The following TXNDC9 variants were observed in gnomAD, a reference collection of about 807,000 sequenced individuals.
The protein encoded by TXNDC9 is thioredoxin domain-containing protein 9.
A neutral mutation model predicts 23.0 loss-of-function variants in TXNDC9; 7 were observed. The ratio of observed to expected loss-of-function variants is 0.30; its 90% CI spans 0.17 to 0.57. TXNDC9 has a LOEUF of 0.57. TXNDC9 is among the 20% of genes least tolerant of loss of function. The pLI is 0.90. For missense variants in TXNDC9, 198 were observed against 252.6 expected, an observed-to-expected ratio of 0.78 and a Z score of 1.47; for synonymous variants, 72 against 90.6, an observed-to-expected ratio of 0.79 and a Z score of 1.17.
chr2:99,330,772 G>A (rs1431486548), intron 2 of TXNDC9, among the ~76,000 whole-genome samples: 1 of 152,110 alleles, frequency 6.6e-6, no homozygotes, highest in Non-Finnish European at 1.5e-5. Flanking sequence ...CAATACCCTC[G>A]TGGATCAGAA....
At position 99,327,543 on chromosome 2, in the gene TXNDC9, G is replaced by T. The variant is rs752789698; in HGVS notation, c.300C>A (p.Ser100=). The T allele has an allele frequency of 6.2e-7, 1 of 1,607,230 alleles. No individual in the cohort carries two copies. Among genetic ancestry groups the T allele is most frequent in the Non-Finnish European group, 8.5e-7 (1 of 1,175,004 alleles). The change falls in exon 3 of 5, where the codon TCC becomes TCA. Residue 100 remains serine, a synonymous_variant. Coordinates refer to ENST00000264255, the MANE Select transcript of TXNDC9 (RefSeq NM_005783.4). The part of the protein sequence containing the change: ...ENVVCHFYRD[S]TFRCKILDRH... ...GATGGAAACAAAGTTACCTGAATGT[G>T]GAGTCTCTGTAGAAATGGCAAACCA...
Position 99,328,254 on chromosome 2 carries a change from C to G in TXNDC9, c.190-601G>C, listed in dbSNP as rs145311683. ...GGGACCACTGGCGCATGCCACACCA[C>G]GCCTGGCATTTTTTTTTTTTTTTTT... On this transcript the variant is annotated intron_variant, in intron 2 of 4. Transcript: ENST00000264255. 4.2e-3 allele frequency among the ~76,000 whole-genome samples: 493 copies of G among 118,510 alleles called. 3 individuals are homozygous for G. Among genetic ancestry groups the G allele is most frequent in the African/African-American group, 0.014 (473 of 33,926 alleles). The allele number at this position is 118,510 out of a possible 152,430, so 77.7% of individuals were successfully genotyped here. A position where few individuals can be genotyped will look rare whatever the true frequency, so the allele number is the denominator to read the frequency against.
chr2:99,306,722 G>A, the TXNDC9 span: 1 of 443,628 alleles, frequency 2.3e-6, no homozygotes. Context: ...CTGAGGACAT[G>A]TGAACTGGTA....
chr2:99,306,804 T>A, the TXNDC9 span: 4 of 455,734 alleles, frequency 8.8e-6, no homozygotes, highest in Non-Finnish European at 1.8e-5. Flanking sequence ...TAAAGAAAGT[T>A]TTTTTGGAAC....
intron 2 of TXNDC9, among the ~76,000 whole-genome samples, chr2:99,330,285 T>G (rs1437823450): frequency 7.4e-5 from 1 of 13,438 alleles, no homozygotes; most frequent in Non-Finnish European, 1.8e-4. Context: ...GCAAGACTCT[T>G]ATCTCAAAAA....
At chr2:99,336,187 C>T (rs1312717571) in intron 1 of TXNDC9, 52 bp downstream of exon 1, 1 of 984,198 alleles carries the variant, frequency 1.0e-6, no homozygotes, top group Non-Finnish European at 1.2e-6. Flanking sequence ...GCAGAATGTT[C>T]ACCAGCACCC....
intron 4 of TXNDC9, among the ~76,000 whole-genome samples, chr2:99,320,571 C>T (rs1041317174): frequency 2.0e-5 from 3 of 152,048 alleles, no homozygotes; most frequent in African/African-American, 4.8e-5. Flanking sequence ...TAACTAAAGA[C>T]GTAATAACTA....
chr2:99,316,117 C>CTTTTTTTTTTTTTT (rs57142545), downstream of TXNDC9, among the ~76,000 whole-genome samples: 1 of 135,988 alleles, frequency 7.4e-6, no homozygotes. Context: ...ATTTCTTTTT[C>CTTTTTTTTTTTTTT]TTTTTTTTTT....
rs2094195839 is a variant in TXNDC9 at position 99,319,206 on chromosome 2, A to T, written c.*476T>A. The T allele has an allele frequency of 6.6e-6, 1 of 152,498 alleles. No individual in the cohort carries two copies. The highest frequency in any genetic ancestry group is 2.4e-5 in the African/African-American group (1 of 41,456). The allele number at this position is 152,498 out of a possible 1,614,324, so 9.4% of individuals were successfully genotyped here. ...GCTGGCATCAGTTGATTCAACATCA[A>T]CATGCAGTGTCCAGAATGAATAAGC... On this transcript the variant is annotated 3_prime_UTR_variant, in exon 5 of 5. Coordinates refer to ENST00000264255, the MANE Select transcript of TXNDC9 (RefSeq NM_005783.4).
chr2:99,316,489 AT>A (rs1246309054), downstream of TXNDC9, among the ~76,000 whole-genome samples: 1 of 152,062 alleles, frequency 6.6e-6, no homozygotes, highest in Non-Finnish European at 1.5e-5. Flanking sequence ...CTTATACACA[AT>A]GAGTAGTTTT....
the TXNDC9 span, among the ~76,000 whole-genome samples, chr2:99,307,643 T>A: frequency 2.1e-3 from 243 of 115,076 alleles, 3 homozygotes; most frequent in African/African-American, 8.0e-3. Flanking sequence ...TTGAAAAGAT[T>A]TGTAGATGAT....
intron 3 of TXNDC9, among the ~76,000 whole-genome samples, chr2:99,325,639 C>A (rs2094211352): frequency 6.6e-6 from 1 of 152,148 alleles, no homozygotes; most frequent in African/African-American, 2.4e-5. Flanking sequence ...GGGCTATGAT[C>A]CCAGAGAACA....
At chr2:99,331,471 G>C (rs1383424584) in intron 2 of TXNDC9, among the ~76,000 whole-genome samples, 2 of 148,974 alleles carry the variant, frequency 1.3e-5, no homozygotes, top group African/African-American at 5.0e-5. Context: ...CTACTTGAGA[G>C]GTCAAGGCAG....
At position 99,327,624 on chromosome 2, in the gene TXNDC9, G is replaced by T; in HGVS notation, c.219C>A (p.Tyr73Ter). ...QEWLSKGHGE[Y>*]REIPSERDFF... ...AGTCTCTTTCACTAGGGATTTCTCT[G>T]TATTCCCCATGTCCTTTAGAAAGCC... is the stretch of plus-strand genomic sequence containing the variant. Residue 73 changes from tyrosine (Y) to a stop codon, truncating the protein, a stop_gained, in exon 3 of 5, where the codon TAC (tyrosine) becomes TAA (stop). Transcript: ENST00000264255. LOFTEE classifies it high-confidence loss of function. 1 of 1,613,550 alleles carries T rather than the reference G, an allele frequency of 6.2e-7. No homozygotes were observed. Among genetic ancestry groups the T allele is most frequent in the Non-Finnish European group, 8.5e-7 (1 of 1,179,722 alleles).
At chr2:99,318,155 T>G (rs898793274), downstream of TXNDC9, among the ~76,000 whole-genome samples, 5 of 152,354 alleles carry the variant, frequency 3.3e-5, no homozygotes, top group Admixed American at 3.3e-4. Flanking sequence ...CCTCCCCAAG[T>G]GCTGGGATTA....
chr2:99,325,104 A>C (rs1206444328), intron 3 of TXNDC9, among the ~76,000 whole-genome samples: 1 of 152,236 alleles, frequency 6.6e-6, no homozygotes, highest in Non-Finnish European at 1.5e-5. Context: ...ATAGGCCTTT[A>C]CGTATGTTTA....
intron 4 of TXNDC9, 158 bp downstream of exon 4, chr2:99,321,797 A>T: frequency 2.4e-6 from 2 of 822,758 alleles, no homozygotes; most frequent in Non-Finnish European, 1.8e-6. Context: ...CGCTAATATT[A>T]CACACTTCAA....
At position 99,322,228 on chromosome 2, in the gene TXNDC9, A is replaced by T; in HGVS notation, c.309-19T>A. 6.3e-7 allele frequency: 1 copy of T among 1,596,650 alleles called. No individual in the cohort carries two copies. The highest frequency in any genetic ancestry group is 8.5e-7 in the Non-Finnish European group (1 of 1,170,608). On this transcript the variant is annotated intron_variant, in intron 3 of 4. Transcript: ENST00000264255. ...TTTACACCTGTAAGTGACCACACATAGAAAATTATAAGCTAAAACCACAGA... is the reference window on the plus strand; with the variant it reads ...TTTACACCTGTAAGTGACCACACATTGAAAATTATAAGCTAAAACCACAGA...
intron 1 of TXNDC9, among the ~76,000 whole-genome samples, chr2:99,333,505 C>A (rs1324200100): frequency 1.3e-5 from 2 of 152,086 alleles, no homozygotes. Flanking sequence ...TATACTAAAG[C>A]CAAGACAAGT....
Sources: gnomAD v4.1 joint callset for allele counts (sites outside exome capture counted in the v4.1 genomes callset) on GRCh38, gnomAD v4.1.1 for gene constraint, MANE v1.5 for transcripts, NCBI Gene and HGNC (gene_info 2026-07-23, HGNC 2026-07-21) for gene names.